The following KLHL32 variants were observed in gnomAD, a reference collection of about 807,000 sequenced individuals.
The protein encoded by KLHL32 is kelch like family member 32.
In KLHL32, 35 loss-of-function variants were observed where a neutral mutation model predicts 64.8. That is an observed-to-expected ratio of 0.54 (90% CI 0.41 to 0.72). The LOEUF is 0.72. Among genes scored for constraint, KLHL32 ranks in the 30% least tolerant of loss-of-function variants. KLHL32 has a pLI of 0.00. For missense variants in KLHL32, 589 were observed against 768.5 expected, an observed-to-expected ratio of 0.77 and a Z score of 2.76; for synonymous variants, 259 against 281.0, an observed-to-expected ratio of 0.92 and a Z score of 0.78.
intron 1 of KLHL32, among the ~76,000 whole-genome samples, chr6:96,930,006 A>G (rs1041484441): frequency 2.0e-5 from 3 of 152,182 alleles, no homozygotes; most frequent in African/African-American, 7.2e-5. Flanking sequence ...TTGAGGCATA[A>G]TGTATTCTAC....
At chr6:96,947,336 A>G (rs992620638) in intron 1 of KLHL32, among the ~76,000 whole-genome samples, 4 of 152,236 alleles carry the variant, frequency 2.6e-5, no homozygotes, top group Non-Finnish European at 5.9e-5. Flanking sequence ...GTGATGCCCA[A>G]TTCATGAATT....
At chr6:96,991,421 C>G (rs901926057) in intron 3 of KLHL32, among the ~76,000 whole-genome samples, 1 of 151,966 alleles carries the variant, frequency 6.6e-6, no homozygotes, top group East Asian at 1.9e-4. Flanking sequence ...CAACCAGGCC[C>G]TTTGTTCCTT....
chr6:97,082,482 G>A (rs1312844107), intron 5 of KLHL32, among the ~76,000 whole-genome samples: 11 of 151,988 alleles, frequency 7.2e-5, no homozygotes, highest in Non-Finnish European at 7.4e-5. Flanking sequence ...GCATGGTGGC[G>A]GGCGCCTGTA....
intron 4 of KLHL32, among the ~76,000 whole-genome samples, chr6:97,051,999 A>T (rs142475481): frequency 6.6e-6 from 1 of 152,336 alleles, no homozygotes; most frequent in East Asian, 1.9e-4. Context: ...CTCAACTGTC[A>T]GTCCTTAATA....
chr6:97,012,930 A>AGT (rs1780602903), intron 3 of KLHL32, among the ~76,000 whole-genome samples: 1 of 152,192 alleles, frequency 6.6e-6, no homozygotes, highest in Non-Finnish European at 1.5e-5. Flanking sequence ...CACCTTCCTC[A>AGT]GCACTCTAAG....
At chr6:97,107,111 T>C (rs11964085) in intron 6 of KLHL32, among the ~76,000 whole-genome samples, 1,810 of 152,100 alleles carry the variant, frequency 0.012, 36 homozygotes, top group African/African-American at 0.042. Context: ...GCTAACACGG[T>C]GAAACCCTGT....
In KLHL32 at chr6:96,967,077, G is replaced by A; in HGVS notation, c.17G>A (p.Cys6Tyr). 1 of 1,613,678 alleles carries A rather than the reference G, an allele frequency of 6.2e-7. No homozygotes were observed. The highest frequency in any genetic ancestry group is 8.5e-7 in the Non-Finnish European group (1 of 1,179,854). Residue 6 changes from cysteine (C) to tyrosine (Y), a missense_variant, in exon 2 of 11, where the codon TGC becomes TAC. Coordinates refer to ENST00000369261, the MANE Select transcript of KLHL32 (RefSeq NM_052904.4). MPSER[C>Y]LSIQEMLTGQ... ...AGCTGGAAAATGCCGTCTGAACGCT[G>A]CCTCAGGTATGCCCTGTAGGATATG...
intron 3 of KLHL32, among the ~76,000 whole-genome samples, chr6:97,029,490 GT>G (rs11361292): frequency 0.082 from 12,402 of 152,092 alleles, 1,051 homozygotes; most frequent in Admixed American, 0.22. Context: ...TAATTTTACT[GT>G]TTTAGTTTGT....
At chr6:97,120,567 T>C (rs1203894349) in intron 7 of KLHL32, among the ~76,000 whole-genome samples, 1 of 152,250 alleles carries the variant, frequency 6.6e-6, no homozygotes, top group Non-Finnish European at 1.5e-5. Context: ...GTTATGAGAC[T>C]GGAATAGTCC....
At chr6:97,123,094 AT>A (rs1468640621) in intron 7 of KLHL32, among the ~76,000 whole-genome samples, 1 of 152,132 alleles carries the variant, frequency 6.6e-6, no homozygotes, top group African/African-American at 2.4e-5. Flanking sequence ...AGTTTACTCT[AT>A]TTACCAACAG....
chr6:97,102,155 C>T (rs1339404387), intron 6 of KLHL32, among the ~76,000 whole-genome samples: 5 of 152,094 alleles, frequency 3.3e-5, no homozygotes, highest in Non-Finnish European at 5.9e-5. Flanking sequence ...TATTAGGTTG[C>T]AGAAATGGGT....
chr6:96,932,155 A>G (rs1393134291), intron 1 of KLHL32, among the ~76,000 whole-genome samples: 1 of 150,908 alleles, frequency 6.6e-6, no homozygotes, highest in Non-Finnish European at 1.5e-5. Flanking sequence ...ATAAAGATTC[A>G]CTAGTCTTTC....
chr6:96,967,499 T>TAA (rs1554207140), intron 2 of KLHL32, among the ~76,000 whole-genome samples: 1 of 146,474 alleles, frequency 6.8e-6, no homozygotes, highest in Non-Finnish European at 1.5e-5. Flanking sequence ...GGATAGAGAA[T>TAA]GAGAGAGAGA....
At chr6:97,025,224 C>A in intron 3 of KLHL32, 1 of 705,300 alleles carries the variant, frequency 1.4e-6, no homozygotes, top group Non-Finnish European at 1.7e-6. Context: ...TGATTTGGAA[C>A]GAATTGTCCA....
chr6:97,025,732 C>G (rs1319421153), intron 3 of KLHL32, among the ~76,000 whole-genome samples: 1 of 152,154 alleles, frequency 6.6e-6, no homozygotes, highest in Admixed American at 6.5e-5. Context: ...GGGTTCAAGT[C>G]CCGACTCTCC....
chr6:96,967,643 G>C (rs1379610474), intron 2 of KLHL32, among the ~76,000 whole-genome samples: 1 of 152,020 alleles, frequency 6.6e-6, no homozygotes, highest in Non-Finnish European at 1.5e-5. Context: ...CACTCTGCTT[G>C]GTGCTGAGGA....
chr6:97,044,265 G>T (rs1311475759), intron 4 of KLHL32, among the ~76,000 whole-genome samples: 8 of 151,960 alleles, frequency 5.3e-5, no homozygotes, highest in Non-Finnish European at 1.2e-4. Flanking sequence ...GTTGTTATCT[G>T]TCATTCTGTT....
intron 4 of KLHL32, among the ~76,000 whole-genome samples, chr6:97,051,150 T>C (rs1267450316): frequency 6.6e-6 from 1 of 152,234 alleles, no homozygotes; most frequent in Non-Finnish European, 1.5e-5. Flanking sequence ...TGCACACTGA[T>C]AACACTGTGA....
intron 4 of KLHL32, among the ~76,000 whole-genome samples, chr6:97,045,637 C>T (rs1156979166): frequency 6.6e-6 from 1 of 152,226 alleles, no homozygotes; most frequent in African/African-American, 2.4e-5. Flanking sequence ...AGTTAAAATA[C>T]ACATGCAAAT....
Sources: allele counts gnomAD v4.1 joint callset (sites outside exome capture counted in the v4.1 genomes callset), GRCh38; gene constraint gnomAD v4.1.1; transcripts MANE v1.5; gene names NCBI Gene and HGNC (gene_info 2026-07-23, HGNC 2026-07-21).